The following CABLES1 variants were observed in gnomAD, a reference collection of about 807,000 sequenced individuals.
CABLES1 encodes Cdk5 and Abl enzyme substrate 1.
In CABLES1, 36 loss-of-function variants were observed where a neutral mutation model predicts 57.8. The ratio of observed to expected loss-of-function variants is 0.62; its 90% CI spans 0.48 to 0.82. CABLES1 has a LOEUF of 0.82. CABLES1 is among the 40% of genes least tolerant of loss of function. The probability of loss-of-function intolerance (pLI) is 0.00; values close to 1 mark genes in which losing one functional copy is unlikely to be tolerated. For missense variants in CABLES1, 767 were observed against 836.6 expected (o/e 0.92, Z 1.03); for synonymous variants, 374 against 363.0 (o/e 1.03, Z -0.35).
At chr18:23,242,094 G>A (rs2047750456) in intron 7 of CABLES1, among the ~76,000 whole-genome samples, 1 of 152,122 alleles carries the variant, frequency 6.6e-6, no homozygotes, top group African/African-American at 2.4e-5. Context: ...TGACCAACGT[G>A]GTGAAACACC....
intron 1 of CABLES1, among the ~76,000 whole-genome samples, chr18:23,174,619 C>G (rs867820632): frequency 6.6e-6 from 1 of 151,440 alleles, no homozygotes; most frequent in Non-Finnish European, 1.5e-5. Context: ...CTACAGGCAC[C>G]CACCACCACA....
At chr18:23,153,424 A>T (rs2144964390) in intron 1 of CABLES1, among the ~76,000 whole-genome samples, 1 of 152,118 alleles carries the variant, frequency 6.6e-6, no homozygotes, top group African/African-American at 2.4e-5. Context: ...TTAATTTTGA[A>T]CACAACAATT....
chr18:23,140,373 C>A (rs2046849974), intron 1 of CABLES1, among the ~76,000 whole-genome samples: 2 of 152,234 alleles, frequency 1.3e-5, no homozygotes, highest in Non-Finnish European at 2.9e-5. Flanking sequence ...CCCAGGTGAA[C>A]CACTGTGCTG....
chr18:23,135,006 G>A (rs1200057642), upstream of CABLES1, among the ~76,000 whole-genome samples: 1 of 152,128 alleles, frequency 6.6e-6, no homozygotes, highest in Non-Finnish European at 1.5e-5. Flanking sequence ...TTTACTTCTC[G>A]GGGACCAACG....
At chr18:23,188,543 T>TTGTGTGTGTGTGTGTGTGTGTGTGTGTG (rs55888102) in intron 1 of CABLES1, among the ~76,000 whole-genome samples, 33 of 149,062 alleles carry the variant, frequency 2.2e-4, no homozygotes, top group African/African-American at 7.1e-4. Flanking sequence ...CACCTTGTCT[T>TTGTGTGTGTGTGTGTGTGTGTGTGTGTG]TGTGTGTGTG....
chr18:23,246,037 G>T (rs1280554621), intron 7 of CABLES1, among the ~76,000 whole-genome samples: 18 of 152,322 alleles, frequency 1.2e-4, no homozygotes, highest in Non-Finnish European at 1.0e-4. Flanking sequence ...AGAGGCCAAG[G>T]TGGGCAGATC....
rs142847644 is a variant in CABLES1, at chr18:23,188,803, G to T, written c.846-35G>T. Reference sequence around the variant, plus strand: ...AATGTCTGATCAGTTCTGCAATGCAGTTTTAACTCCCAGATTTTTTCCTTC... The same window carrying T: ...AATGTCTGATCAGTTCTGCAATGCATTTTTAACTCCCAGATTTTTTCCTTC... On this transcript the variant is annotated intron_variant, in intron 1 of 9. Coordinates refer to ENST00000256925, the MANE Select transcript of CABLES1 (RefSeq NM_001100619.3). 2.0e-6 allele frequency: 3 copies of T among 1,526,152 alleles called. No homozygotes were observed. In the African/African-American group the frequency reaches 4.1e-5, roughly 21 times the overall value. 94.5% of individuals were successfully genotyped at this position (1,526,152 alleles called of 1,614,324 possible).
At chr18:23,247,623 C>T (rs7231073) in intron 7 of CABLES1, among the ~76,000 whole-genome samples, 101,311 of 152,168 alleles carry the variant, frequency 0.67, 33,967 homozygotes, top group South Asian at 0.71. Flanking sequence ...AACGGAGGCA[C>T]AGAGCTCCTA....
intron 1 of CABLES1, among the ~76,000 whole-genome samples, chr18:23,176,908 C>T (rs891670909): frequency 1.1e-4 from 17 of 152,248 alleles, no homozygotes; most frequent in Middle Eastern, 3.4e-3. Context: ...CCTAGGAGGG[C>T]AGCCCTCTGA....
chr18:23,184,074 G>T (rs933556148), intron 1 of CABLES1, among the ~76,000 whole-genome samples: 2 of 152,116 alleles, frequency 1.3e-5, no homozygotes, highest in Non-Finnish European at 2.9e-5. Flanking sequence ...GGAAGGGCAG[G>T]CATCCTTTGC....
chr18:23,248,540 A>T (rs1297968094), intron 7 of CABLES1, among the ~76,000 whole-genome samples: 6 of 58,688 alleles, frequency 1.0e-4, no homozygotes, highest in African/African-American at 2.8e-4. Flanking sequence ...TTTTTTTTTA[A>T]AAAAAGGCTG....
At chr18:23,151,396 C>T (rs2046929767) in intron 1 of CABLES1, among the ~76,000 whole-genome samples, 1 of 152,190 alleles carries the variant, frequency 6.6e-6, no homozygotes. Context: ...CCTCTGGCAG[C>T]CTCTTGCCTT....
intron 2 of CABLES1, among the ~76,000 whole-genome samples, chr18:23,193,188 ATCTT>A (rs1329336919): frequency 5.6e-5 from 8 of 142,002 alleles, no homozygotes; most frequent in African/African-American, 1.1e-4. Flanking sequence ...CTTTAAAAGA[ATCTT>A]TCTTTTTTTT....
intron 9 of CABLES1, among the ~76,000 whole-genome samples, chr18:23,256,263 C>T (rs756693277): frequency 6.6e-6 from 1 of 152,244 alleles, no homozygotes; most frequent in Non-Finnish European, 1.5e-5. Context: ...GGTTCTCCTT[C>T]CTTTCCAGCT....
intron 4 of CABLES1, among the ~76,000 whole-genome samples, chr18:23,230,993 AG>A (rs1239256377): frequency 6.6e-6 from 1 of 151,896 alleles, no homozygotes; most frequent in Non-Finnish European, 1.5e-5. Flanking sequence ...TGATGGTGCA[AG>A]GCATGGGTCC....
At chr18:23,191,846 G>A (rs1365390542) in intron 2 of CABLES1, among the ~76,000 whole-genome samples, 1 of 137,914 alleles carries the variant, frequency 7.3e-6, no homozygotes, top group African/African-American at 2.7e-5. Flanking sequence ...GGCAATTGTT[G>A]CCAACGCCAC....
chr18:23,222,959 G>A (rs1366564008), intron 4 of CABLES1, among the ~76,000 whole-genome samples: 1 of 152,206 alleles, frequency 6.6e-6, no homozygotes, highest in East Asian at 1.9e-4. Flanking sequence ...CACTAGCCAG[G>A]TGACTCCCCC....
chr18:23,238,119 T>C lies in CABLES1; in HGVS notation c.1446+874T>C, dbSNP rs149909352. 5.3e-3 allele frequency among the ~76,000 whole-genome samples: 814 copies of C among 152,328 alleles called. 3 individuals carry two copies. Among genetic ancestry groups the C allele is most frequent in the African/African-American group, 0.019 (772 of 41,580 alleles). On this transcript the variant is annotated intron_variant, in intron 7 of 9. Transcript: ENST00000256925. ...TCCTCTGGTTCCCTCCCTCCTGTGCTCCCAGCCTGAGCTGTTCTCTGGAGC... is the reference window on the plus strand; with the variant it reads ...TCCTCTGGTTCCCTCCCTCCTGTGCCCCCAGCCTGAGCTGTTCTCTGGAGC...
chr18:23,194,418 C>T (rs2047267056), intron 2 of CABLES1, 30 bp from the exon 3 acceptor site: 2 of 1,424,626 alleles, frequency 1.4e-6, no homozygotes, highest in African/African-American at 1.4e-5. Flanking sequence ...AGGCAACTGA[C>T]TGTGTTTTTG....
Sources: gnomAD v4.1 joint callset for allele counts (sites outside exome capture counted in the v4.1 genomes callset) on GRCh38, gnomAD v4.1.1 for gene constraint, MANE v1.5 for transcripts, NCBI Gene and HGNC (gene_info 2026-07-23, HGNC 2026-07-21) for gene names.